FSTL4: variants seen among roughly 807,000 people sequenced by gnomAD.
FSTL4 encodes follistatin-related protein 4.
FSTL4 carries 28 observed loss-of-function variants against 78.2 expected under a neutral mutation model. That is an observed-to-expected ratio of 0.36 (90% CI 0.27 to 0.49). The LOEUF (loss-of-function observed/expected upper bound fraction) is 0.49. Among genes scored for constraint, FSTL4 ranks in the 20% least tolerant of loss-of-function variants. The pLI is 0.98. For missense variants in FSTL4, 922 were observed against 1,084.9 expected (o/e 0.85, Z 2.11); for synonymous variants, 422 against 440.5 (o/e 0.96, Z 0.53).
At chr5:133,604,595 G>T (rs566487923) in intron 1 of FSTL4, among the ~76,000 whole-genome samples, 1 of 152,244 alleles carries the variant, frequency 6.6e-6, no homozygotes, top group South Asian at 2.1e-4. Context: ...TGTAATTCCA[G>T]CTACTCAGGA....
chr5:133,349,431 CA>C (rs1754775003), intron 4 of FSTL4, among the ~76,000 whole-genome samples: 1 of 152,022 alleles, frequency 6.6e-6, no homozygotes, highest in Admixed American at 6.6e-5. Flanking sequence ...CTCACTGCAC[CA>C]AAGAAGCTAA....
At chr5:133,606,365 C>T (rs1426867168) in intron 1 of FSTL4, among the ~76,000 whole-genome samples, 2 of 152,174 alleles carry the variant, frequency 1.3e-5, no homozygotes, top group Non-Finnish European at 2.9e-5. Flanking sequence ...GGTGATCCAC[C>T]TGCTTCGGCC....
In FSTL4 at chr5:133,198,779, T is replaced by G; in HGVS notation, c.*316A>C. ...AAGGCAACTGACAGAGGTGTCTGCT[T>G]GGAGAGCAGGATCCCTTGGTTCCAT... On this transcript the variant is annotated 3_prime_UTR_variant, in exon 16 of 16. Coordinates refer to ENST00000265342, the MANE Select transcript of FSTL4 (RefSeq NM_015082.2). 4.4e-6 allele frequency: 1 copy of G among 229,012 alleles called. No individual in the cohort carries two copies. The highest frequency in any genetic ancestry group is 8.5e-6 in the Non-Finnish European group (1 of 117,652). The allele number at this position is 229,012 out of a possible 1,614,324, so 14.2% of individuals were successfully genotyped here. A position where few individuals can be genotyped will look rare whatever the true frequency, so the allele number is the denominator to read the frequency against.
At chr5:133,600,250 G>A (rs914561051) in intron 2 of FSTL4, among the ~76,000 whole-genome samples, 20 of 152,144 alleles carry the variant, frequency 1.3e-4, no homozygotes, top group African/African-American at 4.3e-4. Context: ...TTTGCCCTAA[G>A]TGTAGGCTAA....
intron 15 of FSTL4, 88 bp downstream of exon 15, chr5:133,201,845 T>G: frequency 1.4e-6 from 1 of 706,060 alleles, no homozygotes; most frequent in Non-Finnish European, 2.4e-6. Flanking sequence ...GACAGAGAAA[T>G]GAGCAGGTCC....
intron 4 of FSTL4, among the ~76,000 whole-genome samples, chr5:133,380,181 A>G (rs1755534139): frequency 6.6e-6 from 1 of 152,200 alleles, no homozygotes; most frequent in African/African-American, 2.4e-5. Flanking sequence ...AGCAAGTAGT[A>G]AAGATTAAAC....
intron 3 of FSTL4, among the ~76,000 whole-genome samples, chr5:133,550,033 G>A (rs1759660718): frequency 6.6e-6 from 1 of 152,102 alleles, no homozygotes; most frequent in African/African-American, 2.4e-5. Flanking sequence ...TATCTCTTGA[G>A]GTCGTAACAA....
chr5:133,386,794 G>T (rs1755710072), intron 4 of FSTL4, among the ~76,000 whole-genome samples: 1 of 152,130 alleles, frequency 6.6e-6, no homozygotes, highest in South Asian at 2.1e-4. Context: ...GTGCAACGAA[G>T]CCCTCACCCT....
chr5:133,794,550 AT>A, the FSTL4 span, among the ~76,000 whole-genome samples: 1 of 152,174 alleles, frequency 6.6e-6, no homozygotes, highest in Middle Eastern at 3.2e-3. Flanking sequence ...ACTGGATCCA[AT>A]TTCTCTCACT....
chr5:133,213,606 A>T (rs1561621665), intron 13 of FSTL4, among the ~76,000 whole-genome samples: 1 of 152,220 alleles, frequency 6.6e-6, no homozygotes, highest in Non-Finnish European at 1.5e-5. Context: ...GCATGTTATA[A>T]TCACTATTAT....
intron 4 of FSTL4, among the ~76,000 whole-genome samples, chr5:133,337,396 C>T (rs554247965): frequency 1.3e-5 from 2 of 152,262 alleles, no homozygotes; most frequent in African/African-American, 2.4e-5. Context: ...GTAGAACTCA[C>T]GGGGGCAGCT....
intron 4 of FSTL4, among the ~76,000 whole-genome samples, chr5:133,336,193 A>T (rs749065334): frequency 6.6e-6 from 1 of 152,178 alleles, no homozygotes; most frequent in Non-Finnish European, 1.5e-5. Flanking sequence ...CCCTTGCCGC[A>T]TCCTCCCCAG....
chr5:133,714,787 G>A, the FSTL4 span, among the ~76,000 whole-genome samples: 3 of 152,186 alleles, frequency 2.0e-5, no homozygotes, highest in Non-Finnish European at 2.9e-5. Context: ...TTACCCCAGC[G>A]TCATTTCATG....
the FSTL4 span, among the ~76,000 whole-genome samples, chr5:133,738,931 A>C: frequency 6.6e-6 from 1 of 152,024 alleles, no homozygotes; most frequent in South Asian, 2.1e-4. Context: ...CACTCTTTCC[A>C]TCCAGAACTT....
chr5:133,257,267 G>A (rs1044147931), intron 6 of FSTL4, among the ~76,000 whole-genome samples: 6 of 152,200 alleles, frequency 3.9e-5, no homozygotes, highest in Non-Finnish European at 8.8e-5. Flanking sequence ...AGGGAGAGCA[G>A]AGGCCTGAAC....
chr5:133,717,491 A>C, the FSTL4 span, among the ~76,000 whole-genome samples: 3 of 152,190 alleles, frequency 2.0e-5, no homozygotes, highest in Non-Finnish European at 4.4e-5. Flanking sequence ...CATTTTGATA[A>C]ATTTCCACTC....
chr5:133,648,699 T>C, the FSTL4 span, among the ~76,000 whole-genome samples: 1 of 152,176 alleles, frequency 6.6e-6, no homozygotes, highest in Non-Finnish European at 1.5e-5. Context: ...TGCTGACTTT[T>C]AAAAAATGGA....
chr5:133,610,929 T>C (rs1405865362), intron 1 of FSTL4, among the ~76,000 whole-genome samples: 1 of 152,078 alleles, frequency 6.6e-6, no homozygotes, highest in Admixed American at 6.5e-5. Context: ...TCACCACCTA[T>C]TGAAATTCTG....
intron 3 of FSTL4, among the ~76,000 whole-genome samples, chr5:133,540,745 A>G (rs1013518025): frequency 1.3e-5 from 2 of 151,340 alleles, no homozygotes; most frequent in Non-Finnish European, 2.9e-5. Flanking sequence ...AAAAAGAAAG[A>G]AAAAAACAAA....
Sources: allele counts gnomAD v4.1 joint callset (sites outside exome capture counted in the v4.1 genomes callset), GRCh38; gene constraint gnomAD v4.1.1; transcripts MANE v1.5; gene names NCBI Gene and HGNC (gene_info 2026-07-23, HGNC 2026-07-21).